The following PC variants were observed in gnomAD, a reference collection of about 807,000 sequenced individuals.
PC encodes pyruvate carboxylase, mitochondrial.
Under a neutral mutation model 107.8 loss-of-function variants are expected in PC, and 46 were observed. The observed-to-expected ratio is 0.43, with a 90% CI of 0.34 to 0.55. The LOEUF (loss-of-function observed/expected upper bound fraction) is 0.55, where lower values mean the gene tolerates loss of function less well. Ranked by LOEUF, PC falls within the 20% of genes least tolerant of loss-of-function variation. PC has a pLI of 0.04. For synonymous variants in PC, 662 were observed against 684.7 expected (o/e 0.97, Z 0.52); for missense variants, 1,241 against 1,643.1 (o/e 0.76, Z 4.23).
intron 9 of PC, among the ~76,000 whole-genome samples, chr11:66,869,951 T>G (rs1029952293): frequency 2.2e-4 from 34 of 152,308 alleles, no homozygotes; most frequent in African/African-American, 7.9e-4. Context: ...GTCCTCAATC[T>G]TGACAGAATC....
chr11:66,933,179 G>C (rs956348720), intron 3 of PC, among the ~76,000 whole-genome samples: 1 of 152,048 alleles, frequency 6.6e-6, no homozygotes, highest in Non-Finnish European at 1.5e-5. Flanking sequence ...AGCTCTTCCA[G>C]AGGCCTCAGC....
intron 12 of PC, chr11:66,859,818 G>A: frequency 1.1e-5 from 17 of 1,583,348 alleles, no homozygotes; most frequent in Non-Finnish European, 1.5e-5. Context: ...CGCCCTGCAG[G>A]CCCACGTGCT....
At chr11:66,922,553 T>TAAAAA (rs1198835228) in intron 3 of PC, among the ~76,000 whole-genome samples, 9 of 84,360 alleles carry the variant, frequency 1.1e-4, no homozygotes, top group Non-Finnish European at 1.6e-4. Context: ...GACTTTGTCT[T>TAAAAA]AAAAAAAAAA....
At chr11:66,860,766 G>A (rs1308612165) in intron 12 of PC, 4 of 697,658 alleles carry the variant, frequency 5.7e-6, no homozygotes, top group Non-Finnish European at 1.0e-5. Context: ...CGTATCCAGT[G>A]TAAAGCCTGG....
chr11:66,902,691 G>A (rs987508636), intron 3 of PC, among the ~76,000 whole-genome samples: 3 of 152,016 alleles, frequency 2.0e-5, no homozygotes, highest in South Asian at 2.1e-4. Context: ...GGCCACTCCC[G>A]GGCCTGTGAT....
At chr11:66,920,462 G>T (rs552316248) in intron 3 of PC, among the ~76,000 whole-genome samples, 19 of 152,212 alleles carry the variant, frequency 1.2e-4, no homozygotes, top group Admixed American at 3.9e-4. Context: ...CAAGCGGAGG[G>T]GGACAGGAAA....
At chr11:66,906,550 C>T (rs1948169457) in intron 3 of PC, among the ~76,000 whole-genome samples, 1 of 152,146 alleles carries the variant, frequency 6.6e-6, no homozygotes, top group Non-Finnish European at 1.5e-5. Flanking sequence ...TTGCTAATCC[C>T]GAGCAGTTTG....
chr11:66,939,640 A>G (rs940834289), intron 3 of PC, among the ~76,000 whole-genome samples: 2 of 152,060 alleles, frequency 1.3e-5, no homozygotes, highest in Admixed American at 1.3e-4. Context: ...CCCCGTCTCT[A>G]CTAAAAATAC....
intron 3 of PC, among the ~76,000 whole-genome samples, chr11:66,925,673 T>C (rs1948700110): frequency 6.6e-6 from 1 of 152,140 alleles, no homozygotes. Flanking sequence ...CTTACAAAGA[T>C]GATAAGATTG....
intron 3 of PC, among the ~76,000 whole-genome samples, chr11:66,890,780 C>A (rs1342164166): frequency 6.6e-6 from 1 of 152,050 alleles, no homozygotes; most frequent in African/African-American, 2.4e-5. Context: ...GCTGGGATTA[C>A]AGGCATGAGC....
chr11:66,905,373 C>T (rs538647762), intron 3 of PC, among the ~76,000 whole-genome samples: 3 of 152,298 alleles, frequency 2.0e-5, no homozygotes, highest in Admixed American at 6.5e-5. Flanking sequence ...CGGCTGTCCT[C>T]GTCTCCAAGG....
At chr11:66,948,015 A>G (rs1214214081) in intron 3 of PC, among the ~76,000 whole-genome samples, 2 of 47,954 alleles carry the variant, frequency 4.2e-5, no homozygotes, top group African/African-American at 1.5e-4. Flanking sequence ...TCTACTAAAG[A>G]TAGATAGATA....
chr11:66,866,013 G>A lies in PC; in HGVS notation c.1185+174C>T. Among the ~76,000 whole-genome samples the A allele has an allele frequency of 6.6e-6, 1 of 152,174 alleles. No individual in the cohort carries two copies. Among genetic ancestry groups the A allele is most frequent in the South Asian group, 2.1e-4 (1 of 4,832 alleles). On this transcript the variant is annotated intron_variant, in intron 11 of 22. Coordinates refer to ENST00000393960, the MANE Select transcript of PC (RefSeq NM_001040716.2). This position sits in a 1 kb window ranked among gnomAD's most constrained non-coding sequence, Gnocchi z 5.4. ...CCAGCAGTCTCTTCCCCTGGGAGGC[G>A]CCGCCCCTCCTCTGGGCACTGCCTG...
chr11:66,852,593 C>T lies in PC; in HGVS notation c.1671G>A (p.Val557=). Residue 557 remains valine, a synonymous_variant, in exon 15 of 23, where the codon GTG becomes GTA. Coordinates refer to ENST00000393960, the MANE Select transcript of PC (RefSeq NM_001040716.2). This position sits in a 1 kb window ranked among gnomAD's most constrained non-coding sequence, Gnocchi z 4.7. ...REGPEGFARA[V]RNHPGLLLMD... is the part of the protein sequence containing the mutation. Reference sequence around the variant, plus strand: ...TCAGCAGCAGCCCCGGGTGGTTCCGCACAGCTCGAGCAAAGCCCTCAGGCC... The same window carrying T: ...TCAGCAGCAGCCCCGGGTGGTTCCGTACAGCTCGAGCAAAGCCCTCAGGCC... 6.2e-7 allele frequency: 1 copy of T among 1,614,038 alleles called. No individual in the cohort carries two copies. The highest frequency in any genetic ancestry group is 2.2e-5 in the East Asian group (1 of 44,880).
In PC at chr11:66,870,847, C is replaced by T. The variant is rs773004288; in HGVS notation, c.679G>A (p.Ala227Thr). 17 of 1,613,568 alleles carry T rather than the reference C, an allele frequency of 1.1e-5. No homozygotes were observed. Among genetic ancestry groups the T allele is most frequent in the Non-Finnish European group, 1.4e-5 (16 of 1,180,002 alleles). Residue 227 changes from alanine to threonine, a missense_variant, in exon 8 of 23, where the codon GCC becomes ACC. By Grantham distance (58) the Ala-to-Thr change is moderately conservative. Transcript: ENST00000393960. This position sits in a 1 kb window ranked among gnomAD's most constrained non-coding sequence, Gnocchi z 6.1. ...ACAAACAGCGCCCCATTCCCAAAGG[C>T]GGCCAGAGCCTCTGAGTAGGCCCGG... Reference protein sequence around the residue: ...YTRAYSEALAAFGNGALFVEK... With the variant: ...YTRAYSEALATFGNGALFVEK...
At chr11:66,940,043 G>T (rs1364031729) in intron 3 of PC, among the ~76,000 whole-genome samples, 1 of 151,948 alleles carries the variant, frequency 6.6e-6, no homozygotes, top group East Asian at 1.9e-4. Context: ...AAAAAGCAAA[G>T]ATAGACAAGT....
intron 22 of PC, 35 bp downstream of exon 22, chr11:66,849,195 C>T (rs940669509): frequency 6.2e-7 from 1 of 1,613,620 alleles, no homozygotes; most frequent in Non-Finnish European, 8.5e-7. Flanking sequence ...CCCAGCCAAG[C>T]CCCACCGCCT....
At chr11:66,869,043 G>T in intron 9 of PC, 79 bp from the exon 10 acceptor site, 1 of 1,104,178 alleles carries the variant, frequency 9.1e-7, no homozygotes, top group Non-Finnish European at 1.4e-6. Context: ...CAGGGATTCC[G>T]TCCCACCCAT....
At chr11:66,906,053 G>A (rs893472170) in intron 3 of PC, among the ~76,000 whole-genome samples, 2 of 152,118 alleles carry the variant, frequency 1.3e-5, no homozygotes, top group Non-Finnish European at 2.9e-5. Context: ...GGCAGAGGTG[G>A]GCGGGCGGGG....
Sources: allele counts gnomAD v4.1 joint callset (sites outside exome capture counted in the v4.1 genomes callset), GRCh38; gene constraint gnomAD v4.1.1; non-coding constraint Gnocchi (gnomAD v3.1); transcripts MANE v1.5; gene names NCBI Gene and HGNC (gene_info 2026-07-23, HGNC 2026-07-21).